Variants in AIG1 observed in about 807,000 individuals in gnomAD.
The protein encoded by AIG1 is androgen induced 1.
A neutral mutation model predicts 31.4 loss-of-function variants in AIG1; 23 were observed. That is an observed-to-expected ratio of 0.73 (90% CI 0.53 to 1.04). AIG1 has a LOEUF of 1.04. Among genes scored for constraint, AIG1 ranks in the 50% least tolerant of loss-of-function variants. AIG1 has a pLI of 0.00. For missense variants in AIG1, 274 were observed against 295.0 expected (o/e 0.93, Z 0.52); for synonymous variants, 100 against 110.5 (o/e 0.90, Z 0.60).
At chr6:143,242,551 A>G (rs996988420) in intron 3 of AIG1, among the ~76,000 whole-genome samples, 2 of 152,208 alleles carry the variant, frequency 1.3e-5, no homozygotes, top group African/African-American at 4.8e-5. Context: ...TGGCAGAGCC[A>G]GTATCGACAT....
chr6:143,161,949 T>C (rs925764835), intron 2 of AIG1, among the ~76,000 whole-genome samples: 3 of 151,880 alleles, frequency 2.0e-5, no homozygotes, highest in African/African-American at 7.3e-5. Flanking sequence ...TCACAGGCAG[T>C]GCAATAAAAA....
In AIG1 at chr6:143,288,378, A is replaced by G. The variant is rs1797835876; in HGVS notation, c.515+4153A>G. Among the ~76,000 whole-genome samples, 1 of 152,188 alleles carries G rather than the reference A, an allele frequency of 6.6e-6. No individual in the cohort carries two copies. Among genetic ancestry groups the G allele is most frequent in the Admixed American group, 6.5e-5 (1 of 15,280 alleles). On this transcript the variant is annotated intron_variant, in intron 4 of 5. Transcript: ENST00000357847. This position sits in a 1 kb window ranked among gnomAD's most constrained non-coding sequence, Gnocchi z 4.4. ...CCATGTGAGATCTCAGAAGCCATGT[A>G]TAATACGTGCTGATCTCTCAACCCA...
chr6:143,163,593 G>A (rs1310585856), intron 2 of AIG1, among the ~76,000 whole-genome samples: 2 of 152,042 alleles, frequency 1.3e-5, no homozygotes, highest in Non-Finnish European at 2.9e-5. Context: ...AGATCTCTGT[G>A]GGGTCCTCCT....
chr6:143,343,788 T>C (rs1327148121), downstream of AIG1, among the ~76,000 whole-genome samples: 1 of 152,186 alleles, frequency 6.6e-6, no homozygotes, highest in East Asian at 1.9e-4. Context: ...TAAACTTGTG[T>C]CATGGGGGCT....
chr6:143,221,981 T>TG (rs2128624253), intron 3 of AIG1, among the ~76,000 whole-genome samples: 1 of 152,306 alleles, frequency 6.6e-6, no homozygotes, highest in Admixed American at 6.5e-5. Context: ...GCAAGAGATC[T>TG]GGGGTCAGGC....
At chr6:143,149,862 A>T (rs1785045521) in intron 2 of AIG1, among the ~76,000 whole-genome samples, 1 of 152,226 alleles carries the variant, frequency 6.6e-6, no homozygotes, top group African/African-American at 2.4e-5. Context: ...AGGTTGTATC[A>T]GTAGAATTAG....
Position 143,326,366 on chromosome 6 carries a change from A to G in AIG1, c.516-6916A>G, listed in dbSNP as rs1776613242. Among the ~76,000 whole-genome samples the G allele has an allele frequency of 6.6e-6, 1 of 151,744 alleles. No homozygotes were observed. Among genetic ancestry groups the G allele is most frequent in the African/African-American group, 2.4e-5 (1 of 41,100 alleles). ...TCTTTAGACATGCCTTTTTTTGGCT[A>G]GAAAGTTCTTTCCTCCCATCTTTAC... On this transcript the variant is annotated intron_variant, in intron 4 of 5. Transcript: ENST00000357847. This position sits in a 1 kb window ranked among gnomAD's most constrained non-coding sequence, Gnocchi z 4.5.
In AIG1 at chr6:143,279,692, G is replaced by A. The variant is rs368834505; in HGVS notation, c.400-4418G>A. Reference sequence around the variant, plus strand: ...GAGTCAGTTCACTCCGCTCCATCACGGGGGACCCACCAAGACCCCATTAAG... The same window carrying A: ...GAGTCAGTTCACTCCGCTCCATCACAGGGGACCCACCAAGACCCCATTAAG... On this transcript the variant is annotated intron_variant, in intron 3 of 5. Coordinates refer to ENST00000357847, the MANE Select transcript of AIG1 (RefSeq NM_016108.4). This position sits in a 1 kb window ranked among gnomAD's most constrained non-coding sequence, Gnocchi z 5.4. Among the ~76,000 whole-genome samples the A allele has an allele frequency of 3.7e-4, 56 of 152,132 alleles. No individual in the cohort carries two copies. The South Asian group carries it at 0.01, about 28-fold the overall frequency.
At chr6:143,277,985 G>A (rs1277097904) in intron 3 of AIG1, among the ~76,000 whole-genome samples, 1 of 152,148 alleles carries the variant, frequency 6.6e-6, no homozygotes, top group Non-Finnish European at 1.5e-5. Context: ...CCATCATGCA[G>A]CATAATTTTT....
At chr6:143,067,194 T>C (rs1776793100) in intron 1 of AIG1, among the ~76,000 whole-genome samples, 1 of 152,120 alleles carries the variant, frequency 6.6e-6, no homozygotes, top group African/African-American at 2.4e-5. Flanking sequence ...AAACATTGGT[T>C]AGCATAGTAG....
intron 1 of AIG1, among the ~76,000 whole-genome samples, chr6:143,113,699 A>G (rs1781488639): frequency 6.6e-6 from 1 of 152,108 alleles, no homozygotes; most frequent in Non-Finnish European, 1.5e-5. Context: ...AACGACTTTT[A>G]GGTTTGGTGA....
At position 143,288,710 on chromosome 6, in the gene AIG1, A is replaced by G. The variant is rs548620653; in HGVS notation, c.515+4485A>G. Among the ~76,000 whole-genome samples the G allele has an allele frequency of 1.6e-4, 24 of 152,358 alleles. No individual in the cohort carries two copies. Among genetic ancestry groups the G allele is most frequent in the African/African-American group, 5.3e-4 (22 of 41,582 alleles). On this transcript the variant is annotated intron_variant, in intron 4 of 5. Coordinates refer to ENST00000357847, the MANE Select transcript of AIG1 (RefSeq NM_016108.4). The surrounding 1 kb of genome is among the most constrained non-coding windows in gnomAD (Gnocchi z 4.4). ...TTATTCTGAGGCAATACGAGTGACC[A>G]TGGCCCAGGAAACAGTCTCAAGAGG...
chr6:143,260,832 TC>T (rs774535364), intron 3 of AIG1, among the ~76,000 whole-genome samples: 7 of 152,314 alleles, frequency 4.6e-5, no homozygotes, highest in Middle Eastern at 3.4e-3. Flanking sequence ...CCACTGGGCT[TC>T]CCATCCCACA....
chr6:143,059,528 C>T (rs966763588), upstream of AIG1, among the ~76,000 whole-genome samples: 1 of 151,982 alleles, frequency 6.6e-6, no homozygotes, highest in Non-Finnish European at 1.5e-5. Context: ...TAAGATTTAA[C>T]CAAAAATCAT....
chr6:143,219,762 A>T (rs1381623891), intron 3 of AIG1, among the ~76,000 whole-genome samples: 1 of 152,020 alleles, frequency 6.6e-6, no homozygotes, highest in Non-Finnish European at 1.5e-5. Context: ...CTACTCTCCC[A>T]TGGTTAAAAT....
At chr6:143,248,860 A>T (rs1794789993) in intron 3 of AIG1, among the ~76,000 whole-genome samples, 1 of 152,222 alleles carries the variant, frequency 6.6e-6, no homozygotes. Flanking sequence ...AGAATATAAT[A>T]GATCAGAAAT....
chr6:143,086,425 T>G (rs1363531523), intron 1 of AIG1, among the ~76,000 whole-genome samples: 1 of 152,156 alleles, frequency 6.6e-6, no homozygotes, highest in Non-Finnish European at 1.5e-5. Context: ...CTGCCTTGAC[T>G]TACTCAATTC....
In AIG1 at chr6:143,340,687, C is replaced by T. The variant is rs1383651341; in HGVS notation, c.*1011C>T. On this transcript the variant is annotated 3_prime_UTR_variant, in exon 6 of 6. Coordinates refer to ENST00000357847, the MANE Select transcript of AIG1 (RefSeq NM_016108.4). Reference sequence around the variant, plus strand: ...CCTTGTTAGCCAGGATGGTCTCGATCTCCTGACCTTGTGATCCACACGCCT... The same window carrying T: ...CCTTGTTAGCCAGGATGGTCTCGATTTCCTGACCTTGTGATCCACACGCCT... Among the ~76,000 whole-genome samples the T allele has an allele frequency of 6.6e-6, 1 of 152,108 alleles. No homozygotes were observed. The highest frequency in any genetic ancestry group is 1.5e-5 in the Non-Finnish European group (1 of 68,018).
At chr6:143,190,611 C>A (rs1789706648) in intron 3 of AIG1, 1 of 985,258 alleles carries the variant, frequency 1.0e-6, no homozygotes, top group Non-Finnish European at 1.2e-6. Flanking sequence ...CATTCAGTGT[C>A]CTGGCACAGA....
Sources: allele counts gnomAD v4.1 joint callset (sites outside exome capture counted in the v4.1 genomes callset), GRCh38; gene constraint gnomAD v4.1.1; non-coding constraint Gnocchi (gnomAD v3.1); transcripts MANE v1.5; gene names NCBI Gene and HGNC (gene_info 2026-07-23, HGNC 2026-07-21).